Variants in PCDHA1 observed in about 807,000 individuals in gnomAD.
The protein encoded by PCDHA1 is protocadherin alpha-1.
A neutral mutation model predicts 61.3 loss-of-function variants in PCDHA1; 42 were observed. The ratio of observed to expected loss-of-function variants is 0.69; its 90% CI spans 0.54 to 0.89. The LOEUF (loss-of-function observed/expected upper bound fraction) is 0.89. PCDHA1 is among the 40% of genes least tolerant of loss of function. PCDHA1 has a pLI of 0.00. For missense variants in PCDHA1, 1,256 were observed against 1,235.3 expected (o/e 1.02, Z -0.25); for synonymous variants, 610 against 553.8 (o/e 1.10, Z -1.43).
intron 1 of PCDHA1, chr5:140,811,340 A>G (rs955953470): frequency 1.3e-5 from 2 of 151,638 alleles, no homozygotes; most frequent in Non-Finnish European, 2.9e-5. Flanking sequence ...ACATGAACTC[A>G]CCCTTTTTTA....
chr5:140,891,430 A>G (rs1422502424), intron 1 of PCDHA1, among the ~76,000 whole-genome samples: 1 of 141,772 alleles, frequency 7.1e-6, no homozygotes, highest in Non-Finnish European at 1.5e-5. Flanking sequence ...CCAAGTCCCC[A>G]ACGTCCATTG....
intron 1 of PCDHA1, chr5:140,871,411 G>A: frequency 6.2e-7 from 1 of 1,614,056 alleles, no homozygotes; most frequent in Non-Finnish European, 8.5e-7. Flanking sequence ...GGACCTCATG[G>A]CCTTCAGCCC....
Position 140,788,189 on chromosome 5 carries a change from G to C in PCDHA1, c.1899G>C (p.Thr633=), listed in dbSNP as rs1476065358. 8.7e-6 allele frequency: 14 copies of C among 1,613,944 alleles called. No homozygotes were observed. The East Asian group carries it at 2.5e-4, about 28-fold the overall frequency. ...GGCTGTACACGGGCGAGATCAGCAC[G>C]ACTCGTGTCCTGGACGAGGCTGACT... ...RVGLYTGEIS[T]TRVLDEADLS... The change falls in exon 1 of 4, where the codon ACG becomes ACC. Residue 633 remains threonine, a synonymous_variant. Coordinates refer to ENST00000504120, the MANE Select transcript of PCDHA1 (RefSeq NM_018900.4).
chr5:140,849,923 G>C, intron 1 of PCDHA1: 3 of 1,598,322 alleles, frequency 1.9e-6, no homozygotes, highest in Non-Finnish European at 2.6e-6. Context: ...ACATCTTCAC[G>C]GTGTCTGCGC....
At chr5:140,823,987 C>T in intron 1 of PCDHA1, 2 of 1,614,204 alleles carry the variant, frequency 1.2e-6, no homozygotes, top group Non-Finnish European at 1.7e-6. Context: ...CAAGCCCACT[C>T]TGTTGTGCTC....
chr5:140,921,377 T>C (rs1368330420), intron 1 of PCDHA1, among the ~76,000 whole-genome samples: 2 of 152,172 alleles, frequency 1.3e-5, no homozygotes, highest in Non-Finnish European at 2.9e-5. Flanking sequence ...TATTTCTACA[T>C]ATTTGATAAA....
chr5:140,969,058 T>C, intron 1 of PCDHA1: 1 of 1,614,166 alleles, frequency 6.2e-7, no homozygotes. Flanking sequence ...ACAACAATAT[T>C]GATGCCAGGA....
chr5:140,956,599 G>A (rs782510228), intron 1 of PCDHA1, among the ~76,000 whole-genome samples: 4 of 152,186 alleles, frequency 2.6e-5, no homozygotes, highest in Non-Finnish European at 5.9e-5. Flanking sequence ...AGGGATATCA[G>A]CTGGAAGTTT....
chr5:140,792,433 C>A (rs1472792608), intron 1 of PCDHA1, among the ~76,000 whole-genome samples: 2 of 152,038 alleles, frequency 1.3e-5, no homozygotes, highest in Admixed American at 1.3e-4. Flanking sequence ...ATCTTTGACC[C>A]AAAACAGGTA....
At chr5:140,941,150 G>T (rs894422349) in intron 1 of PCDHA1, among the ~76,000 whole-genome samples, 1 of 151,436 alleles carries the variant, frequency 6.6e-6, no homozygotes, top group Non-Finnish European at 1.5e-5. Context: ...TAGTTTGGAG[G>T]CCCCATAAGA....
rs567637148 is a variant in PCDHA1, at chr5:140,861,555, G to A, written c.2394+72871G>A. The A allele has an allele frequency of 2.5e-5, 10 of 403,260 alleles. No individual in the cohort carries two copies. The East Asian group carries it at 5.2e-4, about 21-fold the overall frequency. 25.0% of individuals were successfully genotyped at this position (403,260 alleles called of 1,614,324 possible). ...GTGCAGCATCCACCTGGAAGTGATC[G>A]TGGACAAGCTGCTACAGGTTTTCCA... On this transcript the variant is annotated intron_variant, in intron 1 of 3. Transcript: ENST00000504120.
rs782163731 is a variant in PCDHA1, at chr5:140,869,573, C to A, written c.2394+80889C>A. 8 of 1,614,154 alleles carry A rather than the reference C, an allele frequency of 5.0e-6. No homozygotes were observed. In the East Asian group the frequency reaches 1.8e-4, roughly 36 times the overall value. ...GACTCGCGTTTTCCACTAGAGGGAG[C>A]TTCTGATGCTGACATTGAAGAGAAT... On this transcript the variant is annotated intron_variant, in intron 1 of 3. Coordinates refer to ENST00000504120, the MANE Select transcript of PCDHA1 (RefSeq NM_018900.4).
chr5:140,793,718 G>C (rs1761800901), intron 1 of PCDHA1, among the ~76,000 whole-genome samples: 1 of 151,880 alleles, frequency 6.6e-6, no homozygotes, highest in Non-Finnish European at 1.5e-5. Context: ...TTTTTACTGT[G>C]AAGGGATCAG....
Position 140,786,806 on chromosome 5 carries a change from C to A in PCDHA1, c.516C>A (p.Leu172=), listed in dbSNP as rs782107399. The A allele has an allele frequency of 6.8e-6, 11 of 1,614,080 alleles. No homozygotes were observed. In the East Asian group the frequency reaches 2.0e-4, roughly 29 times the overall value. The change falls in exon 1 of 4, where the codon CTC becomes CTA. Residue 172 remains leucine (L), a synonymous_variant. Coordinates refer to ENST00000504120, the MANE Select transcript of PCDHA1 (RefSeq NM_018900.4). The part of the protein sequence containing the change: ...IGANALLTYT[L]SPSDYFSLDV... ...CTAACGCTCTTCTAACGTACACGCTCAGCCCGAGTGATTATTTCTCTTTGG... is the reference window on the plus strand; with the variant it reads ...CTAACGCTCTTCTAACGTACACGCTAAGCCCGAGTGATTATTTCTCTTTGG...
At chr5:140,796,140 C>A (rs782363185) in intron 1 of PCDHA1, 5 of 1,614,114 alleles carry the variant, frequency 3.1e-6, no homozygotes, top group African/African-American at 2.7e-5. Context: ...TGACGCCCCA[C>A]GTCCCTTTCA....
chr5:140,858,306 G>A (rs1554151408), intron 1 of PCDHA1: 3 of 1,597,282 alleles, frequency 1.9e-6, no homozygotes, highest in South Asian at 1.1e-5. Flanking sequence ...CAGCAGAGGC[G>A]GCAGAGGGTG....
At chr5:140,870,512 G>A in intron 1 of PCDHA1, 1 of 1,614,224 alleles carries the variant, frequency 6.2e-7, no homozygotes, top group Non-Finnish European at 8.5e-7. Flanking sequence ...AACCCACCAG[G>A]CTGCCACATC....
At chr5:140,809,825 T>G (rs1764550804) in intron 1 of PCDHA1, 1 of 373,208 alleles carries the variant, frequency 2.7e-6, no homozygotes, top group Admixed American at 4.3e-5. Context: ...ATATTCACCC[T>G]CTTTGTTTTT....
intron 1 of PCDHA1, among the ~76,000 whole-genome samples, chr5:140,837,515 A>AT (rs1775086466): frequency 2.1e-5 from 2 of 96,498 alleles, no homozygotes; most frequent in Admixed American, 9.8e-5. Flanking sequence ...GAAGCAGTTT[A>AT]CTTTTTTTGT....
Sources: allele counts gnomAD v4.1 joint callset (sites outside exome capture counted in the v4.1 genomes callset), GRCh38; gene constraint gnomAD v4.1.1; transcripts MANE v1.5; gene names NCBI Gene and HGNC (gene_info 2026-07-23, HGNC 2026-07-21).